Variants in PARD3B observed in about 807,000 individuals in gnomAD.
PARD3B encodes the protein par-3 family cell polarity regulator beta.
A neutral mutation model predicts 130.2 loss-of-function variants in PARD3B; 103 were observed. The ratio of observed to expected loss-of-function variants is 0.79; its 90% CI spans 0.67 to 0.93. The LOEUF is 0.93. Ranked by LOEUF, PARD3B falls within the 40% of genes least tolerant of loss-of-function variation. The pLI, the probability that PARD3B is intolerant of heterozygous loss-of-function variation, is 0.00. For synonymous variants in PARD3B, 583 were observed against 553.2 expected (o/e 1.05, Z -0.76); for missense variants, 1,609 against 1,499.2 (o/e 1.07, Z -1.21).
At chr2:205,188,841 G>C (rs184497159) in intron 14 of PARD3B, among the ~76,000 whole-genome samples, 3 of 151,282 alleles carry the variant, frequency 2.0e-5, no homozygotes, top group Non-Finnish European at 4.4e-5. Flanking sequence ...GTGTTGGAGG[G>C]ATGAGGCTAA....
intron 18 of PARD3B, among the ~76,000 whole-genome samples, chr2:205,393,687 G>A (rs973174708): frequency 6.6e-6 from 1 of 152,186 alleles, no homozygotes; most frequent in Admixed American, 6.6e-5. Flanking sequence ...GCACTAAGAG[G>A]ATGTAGGTTG....
intron 15 of PARD3B, among the ~76,000 whole-genome samples, chr2:205,193,638 C>T (rs534454618): frequency 1.6e-4 from 25 of 152,198 alleles, no homozygotes; most frequent in Non-Finnish European, 2.6e-4. Flanking sequence ...TCTGCCTTTG[C>T]ATTTGCACCC....
At chr2:204,955,255 A>G (rs1436468732) in intron 2 of PARD3B, among the ~76,000 whole-genome samples, 1 of 152,238 alleles carries the variant, frequency 6.6e-6, no homozygotes, top group Non-Finnish European at 1.5e-5. Flanking sequence ...TACAATTTCA[A>G]AATAATTCCT....
rs2044149131 is a variant in PARD3B, at chr2:204,838,671, T to A, written c.223-126481T>A. Reference sequence around the variant, plus strand: ...GATAGAATCAGTAGGGTGACTGCAGTTTACGGAAATGTATATTTCACATAG... The same window carrying A: ...GATAGAATCAGTAGGGTGACTGCAGATTACGGAAATGTATATTTCACATAG... On this transcript the variant is annotated intron_variant, in intron 2 of 22. Coordinates refer to ENST00000406610, the MANE Select transcript of PARD3B (RefSeq NM_001302769.2). Among the ~76,000 whole-genome samples, 3 of 152,090 alleles carry A rather than the reference T, an allele frequency of 2.0e-5. No homozygotes were observed. The South Asian group carries it at 6.2e-4, about 32-fold the overall frequency.
chr2:205,281,562 A>C lies in PARD3B; in HGVS notation c.2186-18968A>C, dbSNP rs1183786977. On this transcript the variant is annotated intron_variant, in intron 16 of 22. Coordinates refer to ENST00000406610, the MANE Select transcript of PARD3B (RefSeq NM_001302769.2). This position sits in a 1 kb window ranked among gnomAD's most constrained non-coding sequence, Gnocchi z 4.2. ...GCAATTGTAACAAACCAGGAAATCC[A>C]CTTTTTTTCCTAAGTTGGGAAAATA... Among the ~76,000 whole-genome samples the C allele has an allele frequency of 6.6e-6, 1 of 152,204 alleles. No individual in the cohort carries two copies. Among genetic ancestry groups the C allele is most frequent in the East Asian group, 1.9e-4 (1 of 5,194 alleles).
At chr2:205,503,445 C>G (rs957906189) in intron 21 of PARD3B, among the ~76,000 whole-genome samples, 8 of 151,336 alleles carry the variant, frequency 5.3e-5, no homozygotes, top group African/African-American at 1.9e-4. Context: ...ATTTTTTTCC[C>G]CTTTTGCAAA....
chr2:205,040,974 T>TTC (rs1698358156), intron 3 of PARD3B, among the ~76,000 whole-genome samples: 1 of 152,142 alleles, frequency 6.6e-6, no homozygotes, highest in South Asian at 2.1e-4. Flanking sequence ...TCTCCATGCT[T>TTC]TCACCCCACC....
At position 204,943,547 on chromosome 2, in the gene PARD3B, C is replaced by T. The variant is rs575517852; in HGVS notation, c.223-21605C>T. 6.6e-5 allele frequency among the ~76,000 whole-genome samples: 10 copies of T among 152,190 alleles called. No individual in the cohort carries two copies. In the East Asian group the frequency reaches 9.7e-4, roughly 15 times the overall value. On this transcript the variant is annotated intron_variant, in intron 2 of 22. Transcript: ENST00000406610. The surrounding 1 kb of genome is among the most constrained non-coding windows in gnomAD (Gnocchi z 4.2). ...AGGTTTGAGGATCCTGCAAATTGCT[C>T]GTAATGGAGGTAAATGGCTTGTGCC...
intron 18 of PARD3B, among the ~76,000 whole-genome samples, chr2:205,314,915 C>T (rs1043102269): frequency 6.6e-6 from 1 of 152,252 alleles, no homozygotes; most frequent in South Asian, 2.1e-4. Flanking sequence ...CCCTTCCCAT[C>T]TCCACCCTTC....
intron 18 of PARD3B, among the ~76,000 whole-genome samples, chr2:205,385,713 A>G (rs1304374525): frequency 6.6e-6 from 1 of 152,082 alleles, no homozygotes; most frequent in East Asian, 1.9e-4. Flanking sequence ...CCCTGACTCA[A>G]CATTAGTTGA....
chr2:205,609,939 G>A (rs139461772), intron 22 of PARD3B, among the ~76,000 whole-genome samples: 1 of 152,168 alleles, frequency 6.6e-6, no homozygotes, highest in Admixed American at 6.5e-5. Context: ...AGTGTGCTCA[G>A]TTCTGTATTG....
chr2:204,875,153 G>A (rs1559219002), intron 2 of PARD3B, among the ~76,000 whole-genome samples: 1 of 151,908 alleles, frequency 6.6e-6, no homozygotes, highest in Non-Finnish European at 1.5e-5. Flanking sequence ...ACAATTCAGT[G>A]GTTTCTGGTA....
chr2:204,947,390 GCAGGAGTC>G (rs144547278), intron 2 of PARD3B, among the ~76,000 whole-genome samples: 5,680 of 152,162 alleles, frequency 0.037, 351 homozygotes, highest in African/African-American at 0.13. Flanking sequence ...TAAACATAGG[GCAGGAGTC>G]CAGGAGTCTC....
intron 2 of PARD3B, among the ~76,000 whole-genome samples, chr2:204,757,944 A>G (rs2040747972): frequency 6.6e-6 from 1 of 152,212 alleles, no homozygotes; most frequent in Admixed American, 6.6e-5. Context: ...TGTAAAGTTT[A>G]CAAGTATTTA....
intron 4 of PARD3B, among the ~76,000 whole-genome samples, chr2:205,072,749 A>AT (rs1700819363): frequency 6.6e-6 from 1 of 152,206 alleles, no homozygotes; most frequent in Non-Finnish European, 1.5e-5. Flanking sequence ...TGTTTAAAAA[A>AT]TAATTTGCAC....
chr2:205,441,541 G>A (rs1430107166), intron 20 of PARD3B, among the ~76,000 whole-genome samples: 6 of 152,128 alleles, frequency 3.9e-5, no homozygotes, highest in Admixed American at 3.9e-4. Context: ...AGGCACAGAG[G>A]GCTCTCATTC....
At chr2:204,719,836 T>C (rs1339696353) in intron 2 of PARD3B, among the ~76,000 whole-genome samples, 1 of 152,230 alleles carries the variant, frequency 6.6e-6, no homozygotes, top group Non-Finnish European at 1.5e-5. Context: ...AAATAATCAT[T>C]TGAAACTTTG....
chr2:204,879,835 G>T (rs1481141128), intron 2 of PARD3B, among the ~76,000 whole-genome samples: 1 of 152,188 alleles, frequency 6.6e-6, no homozygotes, highest in African/African-American at 2.4e-5. Flanking sequence ...CTGAAATTAG[G>T]TTTGCAAAGC....
intron 4 of PARD3B, among the ~76,000 whole-genome samples, chr2:205,081,868 C>T (rs1417748772): frequency 2.0e-5 from 3 of 151,942 alleles, no homozygotes; most frequent in Non-Finnish European, 4.4e-5. Flanking sequence ...ATTTATATGG[C>T]CTAGGTTTCA....
Sources: gnomAD v4.1 joint callset for allele counts (sites outside exome capture counted in the v4.1 genomes callset) on GRCh38, gnomAD v4.1.1 for gene constraint, Gnocchi (gnomAD v3.1) non-coding constraint, MANE v1.5 for transcripts, NCBI Gene and HGNC (gene_info 2026-07-23, HGNC 2026-07-21) for gene names.